Variants in RNF220 observed in about 807,000 individuals in gnomAD.
The protein encoded by RNF220 is ring finger protein 220.
Under a neutral mutation model 67.1 loss-of-function variants are expected in RNF220, and 7 were observed. The observed-to-expected ratio is 0.10, with a 90% CI of 0.06 to 0.20. The LOEUF (loss-of-function observed/expected upper bound fraction) is 0.20. Ranked by LOEUF, RNF220 falls within the 10% of genes least tolerant of loss-of-function variation. The probability of loss-of-function intolerance (pLI) is 1.00; values close to 1 mark genes in which losing one functional copy is unlikely to be tolerated. For missense variants in RNF220, 565 were observed against 740.3 expected, an observed-to-expected ratio of 0.76 and a Z score of 2.75; for synonymous variants, 270 against 283.2, an observed-to-expected ratio of 0.95 and a Z score of 0.47.
At chr1:44,449,573 C>T (rs1364598654) in intron 2 of RNF220, among the ~76,000 whole-genome samples, 1 of 152,058 alleles carries the variant, frequency 6.6e-6, no homozygotes, top group African/African-American at 2.4e-5. Context: ...GCCACCATGC[C>T]CAGCTAATTG....
At chr1:44,453,541 A>C (rs1201658366) in intron 2 of RNF220, among the ~76,000 whole-genome samples, 1 of 151,932 alleles carries the variant, frequency 6.6e-6, no homozygotes, top group Non-Finnish European at 1.5e-5. Context: ...TAACTTTTTG[A>C]AGGATCTTTT....
chr1:44,640,733 G>A (rs1407526300), intron 8 of RNF220, among the ~76,000 whole-genome samples: 1 of 152,180 alleles, frequency 6.6e-6, no homozygotes, highest in Non-Finnish European at 1.5e-5. Context: ...GTCCCGCATC[G>A]CAGCTCCCCA....
intron 2 of RNF220, among the ~76,000 whole-genome samples, chr1:44,597,083 A>G (rs1333884913): frequency 6.6e-6 from 1 of 152,180 alleles, no homozygotes. Flanking sequence ...CCTGACCCAC[A>G]TGCCAGATGC....
intron 2 of RNF220, among the ~76,000 whole-genome samples, chr1:44,462,185 G>T (rs931320098): frequency 6.6e-6 from 1 of 151,552 alleles, no homozygotes; most frequent in African/African-American, 2.4e-5. Context: ...CGCCCGCCTC[G>T]GCCTCCCAAA....
At chr1:44,579,722 T>C (rs1350483516) in intron 2 of RNF220, among the ~76,000 whole-genome samples, 2 of 152,182 alleles carry the variant, frequency 1.3e-5, no homozygotes, top group Admixed American at 6.5e-5. Flanking sequence ...ACTGAGGTCC[T>C]GACCTATCTT....
intron 2 of RNF220, among the ~76,000 whole-genome samples, chr1:44,511,906 C>CGTGTGTGCGTGTGTGT (rs1553234619): frequency 1.2e-5 from 1 of 80,022 alleles, no homozygotes; most frequent in African/African-American, 4.9e-5. Context: ...AATTGAGAAG[C>CGTGTGTGCGTGTGTGT]GTGTGTGTGC....
In RNF220 at chr1:44,600,376, C is replaced by G. The variant is rs1379331803; in HGVS notation, c.626-13789C>G. 2.0e-5 allele frequency among the ~76,000 whole-genome samples: 3 copies of G among 152,284 alleles called. No homozygotes were observed. In the South Asian group the frequency reaches 6.2e-4, roughly 32 times the overall value. On this transcript the variant is annotated intron_variant, in intron 2 of 14. Coordinates refer to ENST00000361799, the MANE Select transcript of RNF220 (RefSeq NM_018150.4). This position sits in a 1 kb window ranked among gnomAD's most constrained non-coding sequence, Gnocchi z 4.0. ...AAGTGAATGATGACAAGGGCAATAG[C>G]TAACATCAGAGGCAGCAGAATAGCG...
intron 2 of RNF220, among the ~76,000 whole-genome samples, chr1:44,609,753 C>T (rs1250240900): frequency 1.3e-5 from 2 of 152,246 alleles, no homozygotes; most frequent in Non-Finnish European, 2.9e-5. Context: ...CCTCTTCTCT[C>T]CTCCTCGACA....
chr1:44,625,843 G>A (rs1643922946), intron 4 of RNF220, among the ~76,000 whole-genome samples: 1 of 151,978 alleles, frequency 6.6e-6, no homozygotes, highest in South Asian at 2.1e-4. Flanking sequence ...TACATCCCTA[G>A]CTGCACGTGG....
chr1:44,488,813 TC>T (rs1395827283), intron 2 of RNF220, among the ~76,000 whole-genome samples: 1 of 138,476 alleles, frequency 7.2e-6, no homozygotes, highest in Non-Finnish European at 1.5e-5. Context: ...CACTCTAACC[TC>T]TGCCTCCCAG....
In RNF220 at chr1:44,412,181, G is replaced by A. The variant is rs199881411; in HGVS notation, c.84G>A (p.Leu28=). The change falls in exon 2 of 15, where the codon CTG becomes CTA. Residue 28 remains leucine, a synonymous_variant. Transcript: ENST00000361799. The surrounding 1 kb of genome is among the most constrained non-coding windows in gnomAD (Gnocchi z 5.3). ...TGGCATCCCCAGCACTGATGGTCCT[G>A]GCATCCACGGCTGAGGCCAGCCGTG... ...NPLASPALMV[L]ASTAEASRDA... is the part of the protein sequence containing the mutation. The A allele has an allele frequency of 1.8e-5, 29 of 1,614,140 alleles. No individual in the cohort carries two copies. The highest frequency in any genetic ancestry group is 2.3e-5 in the Non-Finnish European group (27 of 1,180,018).
At chr1:44,415,865 T>G (rs982353756) in intron 2 of RNF220, among the ~76,000 whole-genome samples, 12 of 152,224 alleles carry the variant, frequency 7.9e-5, no homozygotes, top group Admixed American at 6.5e-5. Flanking sequence ...TCTGCAGATA[T>G]GTCCACTTGT....
At chr1:44,527,946 A>AAAAAAAAAAAAAT (rs1660522772) in intron 2 of RNF220, among the ~76,000 whole-genome samples, 1 of 150,162 alleles carries the variant, frequency 6.7e-6, no homozygotes, top group Non-Finnish European at 1.5e-5. Flanking sequence ...AAAAAAAAAA[A>AAAAAAAAAAAAAT]AAAAAGTTAA....
At position 44,467,813 on chromosome 1, in the gene RNF220, T is replaced by C. The variant is rs143650204; in HGVS notation, c.625+55091T>C. Among the ~76,000 whole-genome samples the C allele has an allele frequency of 8.2e-4, 125 of 152,354 alleles. 2 individuals are homozygous for C. Among genetic ancestry groups the C allele is most frequent in the Admixed American group, 2.4e-3 (37 of 15,302 alleles). On this transcript the variant is annotated intron_variant, in intron 2 of 14. Transcript: ENST00000361799. Reference sequence around the variant, plus strand: ...GCCTGTCTTGGCTTTTGACATGCCGTCTTTACTGAGCGTAGTCATTTCCAG... The same window carrying C: ...GCCTGTCTTGGCTTTTGACATGCCGCCTTTACTGAGCGTAGTCATTTCCAG...
chr1:44,412,157 G>A lies in RNF220; in HGVS notation c.60G>A (p.Leu20=). The A allele has an allele frequency of 1.2e-6, 2 of 1,614,098 alleles. No individual in the cohort carries two copies. The highest frequency in any genetic ancestry group is 1.7e-6 in the Non-Finnish European group (2 of 1,180,002). Residue 20 remains leucine, a synonymous_variant, in exon 2 of 15, where the codon CTG becomes CTA. Coordinates refer to ENST00000361799, the MANE Select transcript of RNF220 (RefSeq NM_018150.4). This position sits in a 1 kb window ranked among gnomAD's most constrained non-coding sequence, Gnocchi z 5.3. ...ACTCATCCTACCTTCCCAACCCTCT[G>A]GCATCCCCAGCACTGATGGTCCTGG... is the stretch of plus-strand genomic sequence containing the variant. ...MENSSYLPNP[L]ASPALMVLAS...
At chr1:44,644,908 T>C (rs1202140103) in intron 9 of RNF220, 87 bp from the exon 10 acceptor site, 22 of 1,547,598 alleles carry the variant, frequency 1.4e-5, no homozygotes, top group Non-Finnish European at 1.8e-5. Flanking sequence ...AGTCTCAGCT[T>C]TGGCCAGGAG....
chr1:44,616,547 A>G (rs1199936643), intron 3 of RNF220, among the ~76,000 whole-genome samples: 1 of 152,126 alleles, frequency 6.6e-6, no homozygotes, highest in Non-Finnish European at 1.5e-5. Context: ...TTCAAACCTA[A>G]AGTAATCTGA....
intron 2 of RNF220, among the ~76,000 whole-genome samples, chr1:44,580,256 T>C (rs543515266): frequency 6.6e-5 from 10 of 152,244 alleles, no homozygotes; most frequent in African/African-American, 1.9e-4. Flanking sequence ...CAACTCCAGA[T>C]GCTGTGCTTT....
rs2148410365 is a variant in RNF220 at position 44,606,444 on chromosome 1, G to A, written c.626-7721G>A. On this transcript the variant is annotated intron_variant, in intron 2 of 14. Coordinates refer to ENST00000361799, the MANE Select transcript of RNF220 (RefSeq NM_018150.4). This position sits in a 1 kb window ranked among gnomAD's most constrained non-coding sequence, Gnocchi z 4.2. ...ATTAGGTGGTTTGGATGGATGACAGGTGGATGAACTGGAGGGTAGATGGTT... is the reference window on the plus strand; with the variant it reads ...ATTAGGTGGTTTGGATGGATGACAGATGGATGAACTGGAGGGTAGATGGTT... Among the ~76,000 whole-genome samples the A allele has an allele frequency of 6.6e-6, 1 of 152,368 alleles. No homozygotes were observed. The highest frequency in any genetic ancestry group is 1.5e-5 in the Non-Finnish European group (1 of 68,036).
Sources: gnomAD v4.1 joint callset for allele counts (sites outside exome capture counted in the v4.1 genomes callset) on GRCh38, gnomAD v4.1.1 for gene constraint, Gnocchi (gnomAD v3.1) non-coding constraint, MANE v1.5 for transcripts, NCBI Gene and HGNC (gene_info 2026-07-23, HGNC 2026-07-21) for gene names.